The following CDH23 variants were observed in gnomAD, a reference collection of about 807,000 sequenced individuals.
The protein encoded by CDH23 is cadherin-23.
In CDH23, 189 loss-of-function variants were observed where a neutral mutation model predicts 317.1. The ratio of observed to expected loss-of-function variants is 0.60; its 90% CI spans 0.53 to 0.67. The LOEUF (loss-of-function observed/expected upper bound fraction) is 0.67. CDH23 is among the 30% of genes least tolerant of loss of function. The probability of loss-of-function intolerance (pLI) is 0.00; values close to 1 mark genes in which losing one functional copy is unlikely to be tolerated. For synonymous variants in CDH23, 1,839 were observed against 1,876.8 expected (o/e 0.98, Z 0.52); for missense variants, 4,401 against 4,592.4 (o/e 0.96, Z 1.20).
At chr10:71,680,904 T>C (rs1327195537) in intron 17 of CDH23, among the ~76,000 whole-genome samples, 5 of 139,226 alleles carry the variant, frequency 3.6e-5, no homozygotes, top group Admixed American at 1.5e-4. Flanking sequence ...TCTCGGCTCA[T>C]TGCAACCTCC....
chr10:71,790,371 C>G lies in CDH23; in HGVS notation c.6007C>G (p.Leu2003Val). 1.9e-6 allele frequency: 3 copies of G among 1,613,706 alleles called. No homozygotes were observed. Among genetic ancestry groups the G allele is most frequent in the Non-Finnish European group, 2.5e-6 (3 of 1,179,854 alleles). The change falls in exon 46 of 70, where the codon CTG (leucine) becomes GTG (valine). Residue 2003 changes from leucine to valine, a missense_variant. Transcript: ENST00000224721. ...CTACGCCGTGGTGACCTACCAGCTG[C>G]TGGGTGCCCAGAGTGGCCTCTTTGA... ...DIYAVVTYQL[L>V]GAQSGLFDIN... is the part of the protein sequence containing the mutation.
chr10:71,655,070 G>A (rs1295314176), intron 14 of CDH23, among the ~76,000 whole-genome samples: 1 of 152,162 alleles, frequency 6.6e-6, no homozygotes, highest in Non-Finnish European at 1.5e-5. Flanking sequence ...ACAGTGCCAT[G>A]ATGCCACAAT....
At chr10:71,571,413 C>T (rs2132377293) in intron 8 of CDH23, among the ~76,000 whole-genome samples, 1 of 152,364 alleles carries the variant, frequency 6.6e-6, no homozygotes, top group Admixed American at 6.5e-5. Context: ...TCTGCCCTCC[C>T]TAATGCCCAG....
chr10:71,807,232 G>A, intron 57 of CDH23, 45 bp from the exon 58 acceptor site: 1 of 1,602,608 alleles, frequency 6.2e-7, no homozygotes, highest in Non-Finnish European at 8.5e-7. Context: ...TGGAAGCTCG[G>A]GTCTTCCCTT....
Position 71,687,729 on chromosome 10 carries a change from C to G in CDH23, c.2059+10C>G, listed in dbSNP as rs748415078. On this transcript the variant is annotated intron_variant, in intron 19 of 69. Transcript: ENST00000224721. The stretch of plus-strand genomic sequence containing the variant: ...GAGAACATCATGGCAGGTACAGGCT[C>G]AGGTCGGGGGGTGGGGGGCACATGG... 1 of 1,613,032 alleles carries G rather than the reference C, an allele frequency of 6.2e-7. No homozygotes were observed. Among genetic ancestry groups the G allele is most frequent in the African/African-American group, 1.3e-5 (1 of 74,900 alleles).
chr10:71,795,142 A>G (rs891309528), intron 48 of CDH23, among the ~76,000 whole-genome samples: 11 of 152,212 alleles, frequency 7.2e-5, no homozygotes, highest in African/African-American at 2.4e-4. Flanking sequence ...TTTATTAACA[A>G]AAAATATACT....
intron 3 of CDH23, among the ~76,000 whole-genome samples, chr10:71,476,506 C>G (rs1851802928): frequency 6.6e-6 from 1 of 152,174 alleles, no homozygotes; most frequent in African/African-American, 2.4e-5. Flanking sequence ...TGAGGATTCT[C>G]TGGAAAGATT....
At chr10:71,725,952 A>G (rs1356701992) in intron 30 of CDH23, among the ~76,000 whole-genome samples, 1 of 151,206 alleles carries the variant, frequency 6.6e-6, no homozygotes, top group Non-Finnish European at 1.5e-5. Flanking sequence ...TCTGAATCCA[A>G]GTTCAGTGCC....
At chr10:71,775,446 C>T (rs373923176) in intron 38 of CDH23, among the ~76,000 whole-genome samples, 29 of 152,222 alleles carry the variant, frequency 1.9e-4, no homozygotes, top group African/African-American at 5.5e-4. Context: ...TTCCCTCCCC[C>T]CTTTTCACTT....
intron 6 of CDH23, among the ~76,000 whole-genome samples, chr10:71,549,186 G>T (rs1856449060): frequency 6.6e-6 from 1 of 152,272 alleles, no homozygotes; most frequent in Non-Finnish European, 1.5e-5. Context: ...GGCTCCTTGG[G>T]CCAGAGCAGA....
intron 38 of CDH23, chr10:71,750,929 A>G: frequency 3.6e-6 from 1 of 281,142 alleles, no homozygotes; most frequent in Non-Finnish European, 6.7e-6. Context: ...CTCATGTCTC[A>G]GAACGAGAGC....
intron 11 of CDH23, among the ~76,000 whole-genome samples, chr10:71,621,764 T>C (rs1194354889): frequency 6.6e-6 from 1 of 152,192 alleles, no homozygotes; most frequent in Non-Finnish European, 1.5e-5. Flanking sequence ...AAGATTCTGC[T>C]CAGTCTCTCA....
chr10:71,633,747 T>C (rs775527389), intron 11 of CDH23, among the ~76,000 whole-genome samples: 1 of 152,072 alleles, frequency 6.6e-6, no homozygotes, highest in African/African-American at 2.4e-5. Flanking sequence ...GGATCCCTGA[T>C]GTAGAAAGGC....
intron 28 of CDH23, among the ~76,000 whole-genome samples, chr10:71,718,964 G>A (rs1482900265): frequency 1.3e-5 from 2 of 152,018 alleles, no homozygotes; most frequent in African/African-American, 2.4e-5. Context: ...TGTGGCCCCA[G>A]CTACTCAGGA....
At chr10:71,774,088 C>G (rs951242272) in intron 38 of CDH23, among the ~76,000 whole-genome samples, 8 of 149,484 alleles carry the variant, frequency 5.4e-5, no homozygotes, top group Admixed American at 6.7e-5. Context: ...CACACACACA[C>G]AGAACAGGTG....
chr10:71,652,158 G>T (rs566423341), intron 14 of CDH23, among the ~76,000 whole-genome samples: 1 of 152,304 alleles, frequency 6.6e-6, no homozygotes, highest in East Asian at 1.9e-4. Flanking sequence ...TTGCTGAGCC[G>T]TGGGTAGAGC....
At chr10:71,490,489 G>A (rs1268456854) in intron 3 of CDH23, among the ~76,000 whole-genome samples, 1 of 152,208 alleles carries the variant, frequency 6.6e-6, no homozygotes, top group Non-Finnish European at 1.5e-5. Context: ...GAGTAGGTGA[G>A]TGAATAATGA....
intron 11 of CDH23, among the ~76,000 whole-genome samples, chr10:71,629,361 G>T (rs1056408087): frequency 2.6e-5 from 4 of 152,204 alleles, no homozygotes; most frequent in African/African-American, 9.6e-5. Flanking sequence ...TGAAGTGAGA[G>T]GGCCCAGGCT....
At chr10:71,534,683 C>T (rs927802737) in intron 6 of CDH23, among the ~76,000 whole-genome samples, 3 of 152,270 alleles carry the variant, frequency 2.0e-5, no homozygotes, top group East Asian at 1.9e-4. Context: ...AATGTTCGAC[C>T]CCGTGACATT....
Sources: allele counts gnomAD v4.1 joint callset (sites outside exome capture counted in the v4.1 genomes callset), GRCh38; gene constraint gnomAD v4.1.1; transcripts MANE v1.5; gene names NCBI Gene and HGNC (gene_info 2026-07-23, HGNC 2026-07-21).